PLSCR2: variants seen among roughly 807,000 people sequenced by gnomAD.
PLSCR2 encodes the protein phospholipid scramblase 2.
PLSCR2 carries 18 observed loss-of-function variants against 25.3 expected under a neutral mutation model. The ratio of observed to expected loss-of-function variants is 0.71; its 90% CI spans 0.49 to 1.06. The LOEUF is 1.06. Among genes scored for constraint, PLSCR2 ranks in the 50% least tolerant of loss-of-function variants. The pLI is 0.00. For missense variants in PLSCR2, 243 were observed against 269.5 expected, an observed-to-expected ratio of 0.90 and a Z score of 0.69; for synonymous variants, 88 against 87.3, an observed-to-expected ratio of 1.01 and a Z score of -0.04.
downstream of PLSCR2, among the ~76,000 whole-genome samples, chr3:146,440,463 C>T (rs1324475467): frequency 6.6e-6 from 1 of 152,208 alleles, no homozygotes; most frequent in Non-Finnish European, 1.5e-5. Context: ...CCTACTCAAG[C>T]CTCAGCAATG....
intron 2 of PLSCR2, 132 bp from the exon 3 acceptor site, chr3:146,458,585 G>T: frequency 1.7e-6 from 1 of 575,974 alleles, no homozygotes; most frequent in South Asian, 5.2e-5. Context: ...TAATAAGTTT[G>T]CTACCTTTTA....
chr3:146,469,803 C>T (rs868067652), intron 1 of PLSCR2, among the ~76,000 whole-genome samples: 2 of 148,928 alleles, frequency 1.3e-5, no homozygotes, highest in Middle Eastern at 3.5e-3. Flanking sequence ...GTGTGCGACG[C>T]GCAGCTGCCG....
exon 4 of PLSCR2, chr3:146,455,446 A>G (rs761121867): frequency 6.3e-7 from 1 of 1,598,730 alleles, no homozygotes; most frequent in South Asian, 1.1e-5. Flanking sequence ...TACTACTTTC[A>G]AAACTGAATA....
intron 2 of PLSCR2, among the ~76,000 whole-genome samples, chr3:146,424,636 G>T (rs2039275386): frequency 6.6e-6 from 1 of 151,996 alleles, no homozygotes; most frequent in South Asian, 2.1e-4. Context: ...GTCAACTGAG[G>T]TCCAAATATA....
In PLSCR2 at chr3:146,393,808, C is replaced by CAAAA. The variant is rs71849356; in HGVS notation, c.*145+1948_*145+1951dup. 1.6e-3 allele frequency among the ~76,000 whole-genome samples: 200 copies of CAAAA among 123,738 alleles called. 15 individuals carry two copies. Among genetic ancestry groups the CAAAA allele is most frequent in the East Asian group, 5.6e-3 (24 of 4,248 alleles). The allele number at this position is 123,738 out of a possible 152,430, so 81.2% of individuals were successfully genotyped here. A position where few individuals can be genotyped will look rare whatever the true frequency, so the allele number is the denominator to read the frequency against. ...CAGCCTGGCGACAGAGACTCCGTCT[C>CAAAA]AAAAAAAAAAAAAAAACTTCTAAAT... On this transcript the variant is annotated intron_variant and NMD_transcript_variant, in intron 3 of 3. Transcript: ENST00000463633.
Position 146,452,779 on chromosome 3 carries a change from A to G in PLSCR2, c.483+1223T>C, listed in dbSNP as rs550402881. Among the ~76,000 whole-genome samples the G allele has an allele frequency of 8.5e-5, 13 of 152,196 alleles. No homozygotes were observed. The South Asian group carries it at 2.3e-3, about 27-fold the overall frequency. On this transcript the variant is annotated intron_variant, in intron 5 of 6. Transcript: ENST00000610787. ...TTTTATTAATATCATTCCTAGAAGG[A>G]GAAATAATCTTTCACTTGTCTGGAT...
intron 2 of PLSCR2, among the ~76,000 whole-genome samples, chr3:146,422,768 C>T (rs542031357): frequency 1.3e-5 from 2 of 152,202 alleles, no homozygotes; most frequent in Admixed American, 6.6e-5. Context: ...CCAAGACCTT[C>T]CTCCAATGGA....
At chr3:146,492,631 G>C (rs2043591440) in intron 1 of PLSCR2, among the ~76,000 whole-genome samples, 1 of 151,784 alleles carries the variant, frequency 6.6e-6, no homozygotes, top group Non-Finnish European at 1.5e-5. Context: ...AGAATCTCTG[G>C]GACACAGCTA....
downstream of PLSCR2, among the ~76,000 whole-genome samples, chr3:146,437,015 T>A (rs921899409): frequency 6.6e-6 from 1 of 152,222 alleles, no homozygotes; most frequent in African/African-American, 2.4e-5. Flanking sequence ...AGGCCTTTTC[T>A]GTATCTATTG....
chr3:146,487,727 A>G (rs950627362), intron 1 of PLSCR2, among the ~76,000 whole-genome samples: 4 of 152,092 alleles, frequency 2.6e-5, no homozygotes, highest in African/African-American at 9.7e-5. Context: ...AATCAATATC[A>G]TAAAAATGGC....
chr3:146,398,451 T>C (rs554773387), intron 2 of PLSCR2, among the ~76,000 whole-genome samples: 121 of 151,808 alleles, frequency 8.0e-4, no homozygotes, highest in African/African-American at 2.8e-3. Flanking sequence ...CCTTTAAAAC[T>C]TGCCTTATAA....
chr3:146,476,443 A>G (rs553010284), intron 1 of PLSCR2, among the ~76,000 whole-genome samples: 1 of 152,348 alleles, frequency 6.6e-6, no homozygotes, highest in East Asian at 1.9e-4. Context: ...TTGGGTCCCA[A>G]CCGCAGAGCT....
chr3:146,469,696 C>G, intron 1 of PLSCR2, 135 bp from the exon 1 acceptor site: 2 of 373,830 alleles, frequency 5.4e-6, no homozygotes, highest in Non-Finnish European at 7.4e-6. Flanking sequence ...TACAACAAGG[C>G]TTCCCTCCCC....
intron 3 of PLSCR2, among the ~76,000 whole-genome samples, chr3:146,456,717 G>A (rs985212256): frequency 1.3e-5 from 2 of 151,964 alleles, no homozygotes; most frequent in Non-Finnish European, 2.9e-5. Context: ...CATAGTCTCA[G>A]GTGCTAAAAA....
At chr3:146,450,597 T>C (rs1472427200) in intron 5 of PLSCR2, among the ~76,000 whole-genome samples, 1 of 152,242 alleles carries the variant, frequency 6.6e-6, no homozygotes, top group African/African-American at 2.4e-5. Flanking sequence ...GCTCTGACTC[T>C]TGGTCTCAGG....
chr3:146,493,145 C>T (rs1249677973), intron 1 of PLSCR2, among the ~76,000 whole-genome samples: 24 of 151,884 alleles, frequency 1.6e-4, no homozygotes, highest in Non-Finnish European at 5.9e-5. Flanking sequence ...AAACAAGATC[C>T]AAAACTGAAT....
At chr3:146,432,034 T>TAG (rs2039565572), downstream of PLSCR2, among the ~76,000 whole-genome samples, 1 of 152,198 alleles carries the variant, frequency 6.6e-6, no homozygotes, top group Non-Finnish European at 1.5e-5. Context: ...AGTTGGCTGC[T>TAG]AGACATTCTC....
intron 2 of PLSCR2, among the ~76,000 whole-genome samples, chr3:146,399,816 CCTTCCTTCCTTT>C (rs1559967780): frequency 6.6e-6 from 1 of 150,744 alleles, no homozygotes; most frequent in Non-Finnish European, 1.5e-5. Context: ...TTCTTTCCTT[CCTTCCTTCCTTT>C]CTTCCTTCCC....
At chr3:146,404,809 C>CAAA (rs765756845) in intron 2 of PLSCR2, among the ~76,000 whole-genome samples, 9 of 45,040 alleles carry the variant, frequency 2.0e-4, no homozygotes, top group South Asian at 1.1e-3. Flanking sequence ...AAGAAATAGG[C>CAAA]AAAAAAAAAA....
Sources: gnomAD v4.1 joint callset for allele counts (sites outside exome capture counted in the v4.1 genomes callset) on GRCh38, gnomAD v4.1.1 for gene constraint, MANE v1.5 for transcripts, NCBI Gene and HGNC (gene_info 2026-07-23, HGNC 2026-07-21) for gene names.